Variants in CREB3L1 observed in about 807,000 individuals in gnomAD.
CREB3L1 encodes cyclic AMP-responsive element-binding protein 3-like protein 1.
Under a neutral mutation model 54.5 loss-of-function variants are expected in CREB3L1, and 33 were observed. The ratio of observed to expected loss-of-function variants is 0.61; its 90% CI spans 0.46 to 0.81. The LOEUF is 0.81. CREB3L1 is among the 30% of genes least tolerant of loss of function. The probability of loss-of-function intolerance (pLI) is 0.00; values close to 1 mark genes in which losing one functional copy is unlikely to be tolerated. For missense variants in CREB3L1, 656 were observed against 673.3 expected, an observed-to-expected ratio of 0.97 and a Z score of 0.29; for synonymous variants, 284 against 286.4, an observed-to-expected ratio of 0.99 and a Z score of 0.08.
At chr11:46,298,964 A>G (rs995528736) in intron 1 of CREB3L1, among the ~76,000 whole-genome samples, 3 of 152,158 alleles carry the variant, frequency 2.0e-5, no homozygotes, top group African/African-American at 7.2e-5. Context: ...TGAAACAGAG[A>G]GGTTAATTGA....
intron 8 of CREB3L1, 45 bp from the exon 9 acceptor site, chr11:46,316,237 GATGC>G (rs1566193239): frequency 1.6e-6 from 2 of 1,226,064 alleles, no homozygotes. Flanking sequence ...AGGAGGCAGA[GATGC>G]CTGCGGGGTC....
intron 10 of CREB3L1, among the ~76,000 whole-genome samples, chr11:46,318,695 T>C (rs1174637593): frequency 6.6e-6 from 1 of 152,170 alleles, no homozygotes; most frequent in Non-Finnish European, 1.5e-5. Flanking sequence ...CAGAGGAACT[T>C]CCTGGCTGTC....
chr11:46,281,815 T>C (rs1938979310), intron 1 of CREB3L1, among the ~76,000 whole-genome samples: 1 of 151,076 alleles, frequency 6.6e-6, no homozygotes, highest in African/African-American at 2.4e-5. Context: ...AAGGGGAGAT[T>C]TGTGTGTGTT....
In CREB3L1 at chr11:46,320,768, T is replaced by C. The variant is rs79840678; in HGVS notation, c.*22T>C. 1.2e-3 allele frequency: 1,966 copies of C among 1,610,398 alleles called. 32 individuals carry two copies. The African/African-American group carries it at 0.024, about 20-fold the overall frequency. On this transcript the variant is annotated 3_prime_UTR_variant, in exon 12 of 12. Coordinates refer to ENST00000621158, the MANE Select transcript of CREB3L1 (RefSeq NM_052854.4). ...CTAGGCCATGCCAAGACCCAGGACA[T>C]AGGACGGACCCCTGGTACCCAGAAG...
At chr11:46,314,710 C>CT (rs199547974) in intron 8 of CREB3L1, among the ~76,000 whole-genome samples, 1,586 of 141,468 alleles carry the variant, frequency 0.011, 17 homozygotes, top group African/African-American at 0.027. Context: ...TTTTTATTTA[C>CT]TTTTTTTTTT....
chr11:46,278,150 G>A lies in CREB3L1; in HGVS notation c.39G>A (p.Leu13=). 1 of 1,571,218 alleles carries A rather than the reference G, an allele frequency of 6.4e-7. No individual in the cohort carries two copies. The highest frequency in any genetic ancestry group is 8.6e-7 in the Non-Finnish European group (1 of 1,158,232). The part of the protein sequence containing the change: ...AVLEPFPADR[L]FPGSSFLDLG... Reference sequence around the variant, plus strand: ...TGGAACCCTTCCCGGCCGACAGGCTGTTCCCCGGATCCAGCTTCCTGGACT... The same window carrying A: ...TGGAACCCTTCCCGGCCGACAGGCTATTCCCCGGATCCAGCTTCCTGGACT... The change falls in exon 1 of 12, where the codon CTG becomes CTA. Residue 13 remains leucine (L), a synonymous_variant. Transcript: ENST00000621158. The surrounding 1 kb of genome is among the most constrained non-coding windows in gnomAD (Gnocchi z 4.2).
chr11:46,297,178 C>T (rs556885389), intron 1 of CREB3L1, among the ~76,000 whole-genome samples: 1 of 152,344 alleles, frequency 6.6e-6, no homozygotes, highest in Non-Finnish European at 1.5e-5. Flanking sequence ...CCGGCAGGCC[C>T]GGGCTCTGCG....
chr11:46,287,245 T>C (rs1452392236), intron 1 of CREB3L1, among the ~76,000 whole-genome samples: 17 of 152,228 alleles, frequency 1.1e-4, no homozygotes, highest in Admixed American at 1.1e-3. Flanking sequence ...GAGGGCCTGG[T>C]ACACCATAAA....
chr11:46,297,417 G>A (rs1337884111), intron 1 of CREB3L1, among the ~76,000 whole-genome samples: 1 of 144,656 alleles, frequency 6.9e-6, no homozygotes, highest in Admixed American at 6.9e-5. Context: ...GCCAGGTGCT[G>A]GAAGGCAGCA....
Position 46,277,898 on chromosome 11 carries a change from C to A in CREB3L1, c.-214C>A, listed in dbSNP as rs1186026859. 1.3e-5 allele frequency: 5 copies of A among 381,164 alleles called. No homozygotes were observed. Among genetic ancestry groups the A allele is most frequent in the Non-Finnish European group, 1.9e-5 (4 of 215,464 alleles). The allele number at this position is 381,164 out of a possible 1,614,324, so 23.6% of individuals were successfully genotyped here. The stretch of plus-strand genomic sequence containing the variant: ...CCACGGTGCGCCCGGGGCCCCTGAG[C>A]CCATCCCGCTCCTAGCCGCTGCCCT... On this transcript the variant is annotated 5_prime_UTR_variant, in exon 1 of 12. Transcript: ENST00000621158.
In CREB3L1 at chr11:46,278,595, G is replaced by T. The variant is rs1413010038; in HGVS notation, c.102+382G>T. ...CCTGCGCCTCCCTTGGGGCTTCGGT[G>T]GCTCATAGGCTGGATCTCCGCTGGG... On this transcript the variant is annotated intron_variant, in intron 1 of 11. Coordinates refer to ENST00000621158, the MANE Select transcript of CREB3L1 (RefSeq NM_052854.4). The surrounding 1 kb of genome is among the most constrained non-coding windows in gnomAD (Gnocchi z 4.2). 3.3e-5 allele frequency among the ~76,000 whole-genome samples: 5 copies of T among 152,230 alleles called. No homozygotes were observed. The highest frequency in any genetic ancestry group is 7.3e-5 in the Non-Finnish European group (5 of 68,036).
At chr11:46,281,932 C>A (rs1026448487) in intron 1 of CREB3L1, among the ~76,000 whole-genome samples, 3 of 152,100 alleles carry the variant, frequency 2.0e-5, no homozygotes, top group Non-Finnish European at 4.4e-5. Context: ...ACTGGAGGAG[C>A]CCAAATCTCA....
chr11:46,288,149 C>T (rs1298177186), intron 1 of CREB3L1, among the ~76,000 whole-genome samples: 3 of 152,030 alleles, frequency 2.0e-5, no homozygotes, highest in African/African-American at 4.8e-5. Context: ...ATGGCGCGAC[C>T]TCCACTCACT....
intron 10 of CREB3L1, 74 bp from the exon 11 acceptor site, chr11:46,320,190 C>T: frequency 6.8e-7 from 1 of 1,474,642 alleles, no homozygotes; most frequent in East Asian, 2.3e-5. Flanking sequence ...GCGTCCTTAA[C>T]CACTAGGCCA....
chr11:46,299,577 G>A (rs1025182351), intron 1 of CREB3L1, among the ~76,000 whole-genome samples: 7 of 152,188 alleles, frequency 4.6e-5, no homozygotes, highest in African/African-American at 1.7e-4. Flanking sequence ...ACTGACTCAC[G>A]CAGTTTAAGT....
At chr11:46,292,436 A>G (rs955415153) in intron 1 of CREB3L1, among the ~76,000 whole-genome samples, 2 of 152,226 alleles carry the variant, frequency 1.3e-5, no homozygotes, top group African/African-American at 4.8e-5. Flanking sequence ...GCGGGGACCA[A>G]TGCTAGGCTT....
At chr11:46,314,038 A>C (rs1266603023) in intron 8 of CREB3L1, among the ~76,000 whole-genome samples, 1 of 152,078 alleles carries the variant, frequency 6.6e-6, no homozygotes, top group East Asian at 1.9e-4. Context: ...AGAGTTCGAG[A>C]CCAGCCTGGC....
At chr11:46,289,219 A>G (rs1264821379) in intron 1 of CREB3L1, among the ~76,000 whole-genome samples, 2 of 152,148 alleles carry the variant, frequency 1.3e-5, no homozygotes, top group African/African-American at 4.8e-5. Flanking sequence ...CTCTACCAAA[A>G]AATACAAAAA....
At chr11:46,305,718 GTGTGTGTGTGTGTGTA>G (rs1271965824) in intron 2 of CREB3L1, among the ~76,000 whole-genome samples, 3 of 119,708 alleles carry the variant, frequency 2.5e-5, no homozygotes, top group Admixed American at 2.4e-4. Context: ...GTGTGTGTGT[GTGTGTGTGTGTGTGTA>G]TATATATATA....
Sources: allele counts gnomAD v4.1 joint callset (sites outside exome capture counted in the v4.1 genomes callset), GRCh38; gene constraint gnomAD v4.1.1; non-coding constraint Gnocchi (gnomAD v3.1); transcripts MANE v1.5; gene names NCBI Gene and HGNC (gene_info 2026-07-23, HGNC 2026-07-21).